Variants in DPP3 observed in about 807,000 individuals in gnomAD.
DPP3 encodes the protein dipeptidyl peptidase 3.
Under a neutral mutation model 89.8 loss-of-function variants are expected in DPP3, and 64 were observed. That is an observed-to-expected ratio of 0.71 (90% CI 0.58 to 0.88). DPP3 has a LOEUF of 0.88. Ranked by LOEUF, DPP3 falls within the 40% of genes least tolerant of loss-of-function variation. DPP3 has a pLI of 0.00. For synonymous variants in DPP3, 377 were observed against 404.3 expected (o/e 0.93, Z 0.81); for missense variants, 835 against 972.5 (o/e 0.86, Z 1.88).
At position 66,482,393 on chromosome 11, in the gene DPP3, C is replaced by A; in HGVS notation, c.193C>A (p.Arg65Ser). 1 of 1,611,346 alleles carries A rather than the reference C, an allele frequency of 6.2e-7. No individual in the cohort carries two copies. The highest frequency in any genetic ancestry group is 8.5e-7 in the Non-Finnish European group (1 of 1,180,022). ...EAPYIYALLSRLFRAQDPDQL... is the reference protein window; with the variant it reads ...EAPYIYALLSSLFRAQDPDQL... Reference sequence around the variant, plus strand: ...CCCCTACATCTATGCTCTGCTCAGCCGCCTCTTCCGCGCCCAGGACCCCGA... The same window carrying A: ...CCCCTACATCTATGCTCTGCTCAGCAGCCTCTTCCGCGCCCAGGACCCCGA... Residue 65 changes from arginine (R) to serine (S), a missense_variant, in exon 2 of 18, where the codon CGC becomes AGC. Physicochemically the swap from Arg to Ser is moderately radical, Grantham distance 110 (BLOSUM62 -1). Coordinates refer to ENST00000531863, the MANE Select transcript of DPP3 (RefSeq NM_130443.4).
At chr11:66,509,052 G>C in intron 17 of DPP3, 27 bp from the exon 18 acceptor site, 1 of 1,611,156 alleles carries the variant, frequency 6.2e-7, no homozygotes, top group Non-Finnish European at 8.5e-7. Flanking sequence ...ACCTTTCCCT[G>C]CTGTTTTCTC....
At chr11:66,488,067 C>G (rs1855283391) in intron 6 of DPP3, 60 bp downstream of exon 6, 1 of 1,498,394 alleles carries the variant, frequency 6.7e-7, no homozygotes, top group East Asian at 2.3e-5. Flanking sequence ...ACCTGGGTGG[C>G]TCAGGTCCTA....
chr11:66,495,165 AGTTGGGGGCGCCTTTCCCTCACCCACC>A lies in DPP3; in HGVS notation c.1390-38_1390-12del. 1 of 1,612,038 alleles carries A rather than the reference AGTTGGGGGCGCCTTTCCCTCACCCACC, an allele frequency of 6.2e-7. No individual in the cohort carries two copies. On this transcript the variant is annotated splice_polypyrimidine_tract_variant and intron_variant, in intron 12 of 17. Transcript: ENST00000531863. ...ATTCTGGGGCTGGAGGCCTGGATCC[AGTTGGGGGCGCCTTTCCCTCACCCACC>A]GTGTGTTCTGCAGGACGAAAAAGGA...
In DPP3 at chr11:66,486,646, C is replaced by T; in HGVS notation, c.467C>T (p.Pro156Leu). 1 of 1,571,890 alleles carries T rather than the reference C, an allele frequency of 6.4e-7. No individual in the cohort carries two copies. The highest frequency in any genetic ancestry group is 8.6e-7 in the Non-Finnish European group (1 of 1,158,186). Residue 156 changes from proline to leucine, a missense_variant, in exon 4 of 18, where the codon CCA becomes CTA. Transcript: ENST00000531863. ...GGGGAGCTTATGTTCTCTCTGGAGC[C>T]AAGGCTTCGACACCTCGGACTGGGG... ...TCGELMFSLE[P>L]RLRHLGLGKE...
chr11:66,501,940 G>GTA (rs1855687024), intron 16 of DPP3, among the ~76,000 whole-genome samples: 1 of 151,990 alleles, frequency 6.6e-6, no homozygotes, highest in South Asian at 2.1e-4. Flanking sequence ...GCTCACGCCT[G>GTA]TAATCCCAGC....
intron 6 of DPP3, among the ~76,000 whole-genome samples, chr11:66,489,436 T>G (rs1462471327): frequency 6.6e-6 from 1 of 152,054 alleles, no homozygotes; most frequent in East Asian, 1.9e-4. Context: ...GCTTGGTGGA[T>G]CCGAGCATCC....
intron 3 of DPP3, 56 bp from the exon 4 acceptor site, chr11:66,486,484 T>C: frequency 2.1e-6 from 3 of 1,435,940 alleles, no homozygotes; most frequent in Non-Finnish European, 2.8e-6. Context: ...GTAGGGAGGC[T>C]CTGGAAGGCA....
At chr11:66,495,878 T>C in intron 15 of DPP3, 128 bp downstream of exon 15, 1 of 1,439,218 alleles carries the variant, frequency 6.9e-7, no homozygotes, top group Non-Finnish European at 9.2e-7. Flanking sequence ...ACTCCACTGT[T>C]TGGGAGGCAA....
chr11:66,495,094 C>A, intron 12 of DPP3, 112 bp from the exon 13 acceptor site: 2 of 1,509,802 alleles, frequency 1.3e-6, no homozygotes, highest in Non-Finnish European at 1.8e-6. Flanking sequence ...CCGCCGCCCG[C>A]TCCTGCGCTC....
chr11:66,481,800 A>ACCAAGCCTGGCT (rs1855090728), intron 1 of DPP3, among the ~76,000 whole-genome samples: 1 of 151,986 alleles, frequency 6.6e-6, no homozygotes, highest in South Asian at 2.1e-4. Flanking sequence ...GGTGCCTGGC[A>ACCAAGCCTGGCT]CCAAGCCTGG....
At chr11:66,486,707 G>T in intron 4 of DPP3, 30 bp downstream of exon 4, 1 of 1,467,544 alleles carries the variant, frequency 6.8e-7, no homozygotes, top group South Asian at 1.5e-5. Context: ...CGAGGGGACA[G>T]GGAGTGGAGG....
chr11:66,480,714 G>T (rs553713599), intron 1 of DPP3: 37 of 396,228 alleles, frequency 9.3e-5, no homozygotes, highest in Non-Finnish European at 1.6e-4. Context: ...TGGACACTCT[G>T]TCCCAGCCGG....
intron 6 of DPP3, among the ~76,000 whole-genome samples, chr11:66,490,114 G>A (rs1855336831): frequency 8.0e-6 from 1 of 124,582 alleles, no homozygotes; most frequent in Admixed American, 1.1e-4. Context: ...AGGAGTCTGA[G>A]ATCAACTGGG....
chr11:66,482,077 A>G, intron 1 of DPP3, 116 bp from the exon 2 acceptor site: 1 of 1,410,858 alleles, frequency 7.1e-7, no homozygotes, highest in Non-Finnish European at 9.6e-7. Flanking sequence ...TGGGTACAAT[A>G]GTATTCCCTT....
Position 66,504,662 on chromosome 11 carries a change from G to T in DPP3, c.1929G>T (p.Gly643=), listed in dbSNP as rs1466395247. The T allele has an allele frequency of 7.4e-6, 12 of 1,613,332 alleles. No homozygotes were observed. The highest frequency in any genetic ancestry group is 1.0e-5 in the Non-Finnish European group (12 of 1,179,822). The change falls in exon 17 of 18, where the codon GGG becomes GGT. Residue 643 remains glycine, a synonymous_variant. Transcript: ENST00000531863. Reference sequence around the variant, plus strand: ...CCGGAGGGCGGGCCCTGTACGAGGGGTATGCAACAGTCACTGATGCGCCCC... The same window carrying T: ...CCGGAGGGCGGGCCCTGTACGAGGGTTATGCAACAGTCACTGATGCGCCCC... ...DVAGGRALYE[G]YATVTDAPPE...
At position 66,482,350 on chromosome 11, in the gene DPP3, T is replaced by G. The variant is rs945701013; in HGVS notation, c.150T>G (p.Leu50=). The G allele has an allele frequency of 2.5e-6, 4 of 1,613,438 alleles. No homozygotes were observed. Among genetic ancestry groups the G allele is most frequent in the Non-Finnish European group, 3.4e-6 (4 of 1,180,024 alleles). The change falls in exon 2 of 18, where the codon CTT becomes CTG. Residue 50 remains leucine, a synonymous_variant. Coordinates refer to ENST00000531863, the MANE Select transcript of DPP3 (RefSeq NM_130443.4). ...AAWYGGLAVL[L]QTSPEAPYIY... ...GGTACGGAGGCCTGGCTGTGCTGCT[T>G]CAGACCTCCCCTGAGGCCCCCTACA... is the stretch of plus-strand genomic sequence containing the variant.
At chr11:66,507,219 G>A (rs1855824074) in intron 17 of DPP3, among the ~76,000 whole-genome samples, 1 of 152,102 alleles carries the variant, frequency 6.6e-6, no homozygotes, top group South Asian at 2.1e-4. Flanking sequence ...TGTAATCCCA[G>A]CACTTTGGGA....
At position 66,509,302 on chromosome 11, in the gene DPP3, G is replaced by A. The variant is rs1193774418; in HGVS notation, c.*51G>A. ...TTCCATCAGACCAAGGCTGCAAGTG[G>A]CCCTCCATTCGTGTGTGTATTTAGG... On this transcript the variant is annotated 3_prime_UTR_variant, in exon 18 of 18. Transcript: ENST00000531863. The A allele has an allele frequency of 6.4e-7, 1 of 1,563,290 alleles. No individual in the cohort carries two copies. Among genetic ancestry groups the A allele is most frequent in the Admixed American group, 1.9e-5 (1 of 51,730 alleles).
intron 2 of DPP3, among the ~76,000 whole-genome samples, chr11:66,483,767 T>C (rs1855149892): frequency 6.6e-6 from 1 of 152,118 alleles, no homozygotes; most frequent in Non-Finnish European, 1.5e-5. Context: ...CCACCAAGAA[T>C]GTACAAGAAT....
Sources: gnomAD v4.1 joint callset for allele counts (sites outside exome capture counted in the v4.1 genomes callset) on GRCh38, gnomAD v4.1.1 for gene constraint, MANE v1.5 for transcripts, NCBI Gene and HGNC (gene_info 2026-07-23, HGNC 2026-07-21) for gene names.